GALNT14: variants seen among roughly 807,000 people sequenced by gnomAD.
The protein encoded by GALNT14 is UDP-GalNAc:polypeptide N-acetylgalactosaminyltransferase 14.
GALNT14 carries 60 observed loss-of-function variants against 77.5 expected under a neutral mutation model. The ratio of observed to expected loss-of-function variants is 0.77; its 90% CI spans 0.63 to 0.96. The LOEUF (loss-of-function observed/expected upper bound fraction) is 0.96, where lower values mean the gene tolerates loss of function less well. Among genes scored for constraint, GALNT14 ranks in the 40% least tolerant of loss-of-function variants. The pLI is 0.00. For synonymous variants in GALNT14, 280 were observed against 281.7 expected, an observed-to-expected ratio of 0.99 and a Z score of 0.06; for missense variants, 710 against 731.0, an observed-to-expected ratio of 0.97 and a Z score of 0.33.
At chr2:30,907,806 C>A (rs1256556391), downstream of GALNT14, among the ~76,000 whole-genome samples, 12 of 148,366 alleles carry the variant, frequency 8.1e-5, no homozygotes, top group African/African-American at 3.0e-4. Context: ...ATGCAAAAAT[C>A]CTCAATAAAA....
At chr2:31,119,539 G>A (rs1024233831) in intron 1 of GALNT14, among the ~76,000 whole-genome samples, 2 of 152,144 alleles carry the variant, frequency 1.3e-5, no homozygotes, top group Admixed American at 6.5e-5. Flanking sequence ...TTGGCAAAAC[G>A]AAAATGACGA....
At chr2:31,013,456 G>A (rs1489922803) in intron 1 of GALNT14, among the ~76,000 whole-genome samples, 1 of 152,172 alleles carries the variant, frequency 6.6e-6, no homozygotes, top group Non-Finnish European at 1.5e-5. Flanking sequence ...TACAGAAGGG[G>A]AAATGTTCAG....
At chr2:31,091,863 G>A (rs1014587122) in intron 1 of GALNT14, among the ~76,000 whole-genome samples, 1 of 152,140 alleles carries the variant, frequency 6.6e-6, no homozygotes, top group African/African-American at 2.4e-5. Context: ...CCAAGGAGAT[G>A]AACATTTGAG....
At position 31,057,156 on chromosome 2, in the gene GALNT14, G is replaced by C. The variant is rs552596312; in HGVS notation, c.130-64149C>G. ...GACAGGAGAAGGAGGGAGGGGACAA[G>C]GGTTGAAAAACTAACTATTCGGTAC... On this transcript the variant is annotated intron_variant, in intron 1 of 14. Transcript: ENST00000349752. Among the ~76,000 whole-genome samples, 5 of 151,832 alleles carry C rather than the reference G, an allele frequency of 3.3e-5. No homozygotes were observed. The East Asian group carries it at 9.7e-4, about 29-fold the overall frequency.
intron 1 of GALNT14, among the ~76,000 whole-genome samples, chr2:31,108,406 T>C (rs949438537): frequency 2.0e-5 from 3 of 152,206 alleles, no homozygotes; most frequent in Non-Finnish European, 4.4e-5. Flanking sequence ...GCTGGACACG[T>C]CACCCGCTCA....
At chr2:30,970,903 C>G (rs922930399) in intron 2 of GALNT14, among the ~76,000 whole-genome samples, 1 of 152,172 alleles carries the variant, frequency 6.6e-6, no homozygotes, top group Non-Finnish European at 1.5e-5. Flanking sequence ...CACAGATGAG[C>G]TGAACTAAGG....
Position 31,138,126 on chromosome 2 carries a change from G to T in GALNT14, c.-40C>A, listed in dbSNP as rs747571754. Reference sequence around the variant, plus strand: ...CTTCCTCTCCGCGGCGCTACGTCCCGGGGGCACCCCCCGGCGGTCAGGGTT... The same window carrying T: ...CTTCCTCTCCGCGGCGCTACGTCCCTGGGGCACCCCCCGGCGGTCAGGGTT... On this transcript the variant is annotated 5_prime_UTR_variant, in exon 1 of 15. Coordinates refer to ENST00000349752, the MANE Select transcript of GALNT14 (RefSeq NM_024572.4). 7 of 1,612,032 alleles carry T rather than the reference G, an allele frequency of 4.3e-6. No individual in the cohort carries two copies. The highest frequency in any genetic ancestry group is 5.1e-6 in the Non-Finnish European group (6 of 1,178,938).
intron 13 of GALNT14, among the ~76,000 whole-genome samples, chr2:30,923,006 G>A (rs1665125374): frequency 6.6e-6 from 1 of 151,440 alleles, no homozygotes; most frequent in Admixed American, 6.6e-5. Context: ...CGCCAGAAGG[G>A]TATGAGAGTG....
intron 1 of GALNT14, among the ~76,000 whole-genome samples, chr2:31,085,525 C>G (rs1379335049): frequency 1.3e-5 from 2 of 152,242 alleles, no homozygotes; most frequent in Admixed American, 1.3e-4. Flanking sequence ...GCTTCTGCTG[C>G]AACCTGGCCT....
chr2:31,015,770 C>T (rs1671313198), intron 1 of GALNT14, among the ~76,000 whole-genome samples: 1 of 152,166 alleles, frequency 6.6e-6, no homozygotes, highest in Non-Finnish European at 1.5e-5. Flanking sequence ...AATGGAGAGA[C>T]ATTCTACAAA....
intron 1 of GALNT14, among the ~76,000 whole-genome samples, chr2:30,997,764 A>C (rs1670126609): frequency 6.6e-6 from 1 of 152,228 alleles, no homozygotes; most frequent in African/African-American, 2.4e-5. Context: ...ACATGTAGAC[A>C]CTGTGGAATG....
intron 1 of GALNT14, among the ~76,000 whole-genome samples, chr2:31,120,177 A>AT (rs1678333889): frequency 6.7e-6 from 1 of 148,394 alleles, no homozygotes; most frequent in South Asian, 2.1e-4. Context: ...AAAAAAAAAA[A>AT]AATAATGAGC....
At chr2:31,122,673 G>A (rs910093722) in intron 1 of GALNT14, among the ~76,000 whole-genome samples, 1 of 151,954 alleles carries the variant, frequency 6.6e-6, no homozygotes, top group Admixed American at 6.6e-5. Context: ...CATCAGGGGT[G>A]TTTTCTATAA....
chr2:31,114,453 C>A (rs557152723), intron 1 of GALNT14, among the ~76,000 whole-genome samples: 5 of 152,266 alleles, frequency 3.3e-5, no homozygotes, highest in South Asian at 2.1e-4. Context: ...ACAAGAAAGA[C>A]TTTCTGGGAA....
intron 13 of GALNT14, among the ~76,000 whole-genome samples, chr2:30,916,755 G>A (rs1273672497): frequency 6.6e-6 from 1 of 152,032 alleles, no homozygotes; most frequent in African/African-American, 2.4e-5. Context: ...ACAGGATGGC[G>A]AAGCAGGGAT....
At chr2:30,924,880 G>T in intron 11 of GALNT14, 57 bp from the exon 12 acceptor site, 1 of 1,476,554 alleles carries the variant, frequency 6.8e-7, no homozygotes, top group Non-Finnish European at 9.4e-7. Flanking sequence ...GTCAGAGGCA[G>T]GCGCCAGCAA....
intron 1 of GALNT14, among the ~76,000 whole-genome samples, chr2:31,013,723 G>T (rs1295519174): frequency 6.6e-6 from 1 of 152,144 alleles, no homozygotes; most frequent in Non-Finnish European, 1.5e-5. Flanking sequence ...TGCTCTTTCT[G>T]TTAATGCCAT....
At chr2:31,072,380 TTTTTC>T (rs1382545555) in intron 1 of GALNT14, among the ~76,000 whole-genome samples, 1 of 152,046 alleles carries the variant, frequency 6.6e-6, no homozygotes, top group African/African-American at 2.4e-5. Flanking sequence ...GCTCTCTTTT[TTTTTC>T]TTTTGTTCCC....
intron 1 of GALNT14, among the ~76,000 whole-genome samples, chr2:31,123,039 G>A (rs200472941): frequency 1.3e-4 from 20 of 152,088 alleles, no homozygotes; most frequent in South Asian, 4.2e-4. Flanking sequence ...AAAATTAGCC[G>A]GGCGGGGTGA....
Sources: allele counts gnomAD v4.1 joint callset (sites outside exome capture counted in the v4.1 genomes callset), GRCh38; gene constraint gnomAD v4.1.1; transcripts MANE v1.5; gene names NCBI Gene and HGNC (gene_info 2026-07-23, HGNC 2026-07-21).